Variants in NCKAP5 observed in about 807,000 individuals in gnomAD.
NCKAP5 encodes NCK associated protein 5, also known as nck-associated protein 5.
NCKAP5 carries 92 observed loss-of-function variants against 167.0 expected under a neutral mutation model. The ratio of observed to expected loss-of-function variants is 0.55; its 90% confidence interval spans 0.47 to 0.66. The LOEUF is 0.66. Among genes scored for constraint, NCKAP5 ranks in the 30% least tolerant of loss-of-function variants. NCKAP5 has a pLI of 0.00. For missense variants in NCKAP5, 2,378 were observed against 2,315.0 expected, an observed-to-expected ratio of 1.03 and a Z score of -0.56; for synonymous variants, 891 against 877.4, an observed-to-expected ratio of 1.02 and a Z score of -0.27.
At chr2:132,983,153 A>T (rs1460578716) in intron 7 of NCKAP5, among the ~76,000 whole-genome samples, 3 of 152,134 alleles carry the variant, frequency 2.0e-5, no homozygotes, top group Non-Finnish European at 2.9e-5. Flanking sequence ...TTGTACATTG[A>T]TTTCATATCC....
At chr2:133,228,634 C>A (rs1411714094) in intron 4 of NCKAP5, among the ~76,000 whole-genome samples, 1 of 152,164 alleles carries the variant, frequency 6.6e-6, no homozygotes, top group Non-Finnish European at 1.5e-5. Flanking sequence ...ACACTGTGTA[C>A]ATGTTCACAA....
At position 133,116,259 on chromosome 2, in the gene NCKAP5, G is replaced by A. The variant is rs921019903; in HGVS notation, c.341+13719C>T. ...TCCCAGCACTTTGGGAGGCCGAGGC[G>A]GGCGGATCACGAGGTCAGGAGATCG... On this transcript the variant is annotated intron_variant, in intron 6 of 19. Transcript: ENST00000409261. Among the ~76,000 whole-genome samples, 3 of 85,912 alleles carry A rather than the reference G, an allele frequency of 3.5e-5. 1 individual carries two copies. Among genetic ancestry groups the A allele is most frequent in the African/African-American group, 1.9e-4 (3 of 15,552 alleles). 56.4% of individuals were successfully genotyped at this position (85,912 alleles called of 152,430 possible).
At chr2:132,760,352 A>C (rs914581208) in intron 16 of NCKAP5, among the ~76,000 whole-genome samples, 10 of 152,064 alleles carry the variant, frequency 6.6e-5, no homozygotes, top group Admixed American at 6.6e-4. Context: ...GCATAGTTTC[A>C]CTGAGTATTC....
chr2:133,275,151 T>C lies in NCKAP5; in HGVS notation c.143+27886A>G, dbSNP rs1223822197. ...GAAGATAGTTAAGTGGCAATAACTATATTAAAACTGCTTAATATCAGTACT... is the reference window on the plus strand; with the variant it reads ...GAAGATAGTTAAGTGGCAATAACTACATTAAAACTGCTTAATATCAGTACT... On this transcript the variant is annotated intron_variant, in intron 4 of 19. Transcript: ENST00000409261. Among the ~76,000 whole-genome samples the C allele has an allele frequency of 2.6e-5, 4 of 152,114 alleles. No homozygotes were observed. The East Asian group carries it at 7.7e-4, about 29-fold the overall frequency.
chr2:132,825,754 T>A (rs1384369010), intron 11 of NCKAP5, among the ~76,000 whole-genome samples: 1 of 152,244 alleles, frequency 6.6e-6, no homozygotes, highest in Non-Finnish European at 1.5e-5. Flanking sequence ...CATATGGATT[T>A]ATGCTGGCAA....
chr2:132,905,571 T>C (rs964334821), intron 8 of NCKAP5, among the ~76,000 whole-genome samples: 22 of 152,234 alleles, frequency 1.4e-4, no homozygotes, highest in African/African-American at 5.1e-4. Flanking sequence ...TTTGTAATAT[T>C]TGGCCTGCCT....
rs188548035 is a variant in NCKAP5, at chr2:133,343,229, A to G, written c.70-40119T>C. 1.2e-4 allele frequency among the ~76,000 whole-genome samples: 18 copies of G among 152,324 alleles called. No homozygotes were observed. In the East Asian group the frequency reaches 3.5e-3, roughly 29 times the overall value. On this transcript the variant is annotated intron_variant, in intron 3 of 19. Transcript: ENST00000409261. ...GTTATGTCACTGAACATATCATGCA[A>G]TGTGATGTAGTATCAGCATACTATT...
rs542675684 is a variant in NCKAP5 at position 132,994,128 on chromosome 2, C to A, written c.429+24G>T. 5.4e-6 allele frequency: 8 copies of A among 1,485,732 alleles called. No homozygotes were observed. The East Asian group carries it at 9.5e-5, about 18-fold the overall frequency. 92.0% of individuals were successfully genotyped at this position (1,485,732 alleles called of 1,614,324 possible). On this transcript the variant is annotated intron_variant, in intron 7 of 19. Coordinates refer to ENST00000409261, the MANE Select transcript of NCKAP5 (RefSeq NM_207363.3). ...GAAAAACAAGCAGACCAGTACCCAG[C>A]CAAGAATAATAAACATGGTGTACCT...
chr2:133,135,550 G>A (rs543233517), intron 5 of NCKAP5, among the ~76,000 whole-genome samples: 4 of 151,886 alleles, frequency 2.6e-5, no homozygotes, highest in East Asian at 1.9e-4. Flanking sequence ...TTCTGACTAC[G>A]GTATGGAGAA....
intron 5 of NCKAP5, among the ~76,000 whole-genome samples, chr2:133,155,601 C>T (rs1379681169): frequency 6.6e-6 from 1 of 152,158 alleles, no homozygotes; most frequent in Non-Finnish European, 1.5e-5. Context: ...TTTGGCCAAA[C>T]ATTATTCTAG....
At chr2:132,853,514 C>T (rs1689235780) in intron 11 of NCKAP5, among the ~76,000 whole-genome samples, 1 of 152,164 alleles carries the variant, frequency 6.6e-6, no homozygotes, top group Admixed American at 6.5e-5. Flanking sequence ...GGGAAGTCAG[C>T]CATGTGCTCT....
chr2:132,920,727 A>G (rs1247111637), intron 8 of NCKAP5, among the ~76,000 whole-genome samples: 7,720 of 113,544 alleles, frequency 0.068, 1,244 homozygotes, highest in Admixed American at 0.19. Flanking sequence ...ATGTATATAT[A>G]TATATGTATA....
At chr2:133,563,641 T>C (rs1038581469) in intron 1 of NCKAP5, among the ~76,000 whole-genome samples, 2 of 145,034 alleles carry the variant, frequency 1.4e-5, no homozygotes, top group Non-Finnish European at 3.0e-5. Flanking sequence ...AGTAAAGGAC[T>C]GCGCATAGGC....
At chr2:133,363,299 A>G (rs540687368) in intron 3 of NCKAP5, among the ~76,000 whole-genome samples, 6 of 152,132 alleles carry the variant, frequency 3.9e-5, no homozygotes, top group Non-Finnish European at 8.8e-5. Flanking sequence ...TTGTAAATAA[A>G]TGTTGGAATA....
intron 3 of NCKAP5, among the ~76,000 whole-genome samples, chr2:133,402,083 A>G (rs1362021537): frequency 2.9e-5 from 4 of 137,942 alleles, no homozygotes; most frequent in African/African-American, 1.0e-4. Context: ...TTCCTAAATT[A>G]ATAATCTCTG....
At chr2:133,156,893 C>T (rs1396151008) in intron 5 of NCKAP5, among the ~76,000 whole-genome samples, 1 of 152,176 alleles carries the variant, frequency 6.6e-6, no homozygotes, top group Non-Finnish European at 1.5e-5. Context: ...AAGCTGGTCC[C>T]AAGCTAGCAC....
chr2:133,297,090 C>T (rs12470497), intron 4 of NCKAP5, among the ~76,000 whole-genome samples: 19,329 of 151,636 alleles, frequency 0.13, 1,664 homozygotes, highest in Middle Eastern at 0.28. Context: ...CTAATATTAA[C>T]TTTTCACATT....
chr2:133,407,869 T>C (rs1197389527), intron 3 of NCKAP5, among the ~76,000 whole-genome samples: 1 of 151,728 alleles, frequency 6.6e-6, no homozygotes, highest in Non-Finnish European at 1.5e-5. Context: ...AGGAAGGAGG[T>C]CGATAAAGGG....
chr2:133,227,954 T>C (rs1301036324), intron 4 of NCKAP5, among the ~76,000 whole-genome samples: 1 of 152,204 alleles, frequency 6.6e-6, no homozygotes, highest in Non-Finnish European at 1.5e-5. Flanking sequence ...AGCAGGGGTC[T>C]CTGCAGCAAG....
Sources: gnomAD v4.1 joint callset for allele counts (sites outside exome capture counted in the v4.1 genomes callset) on GRCh38, gnomAD v4.1.1 for gene constraint, MANE v1.5 for transcripts, NCBI Gene and HGNC (gene_info 2026-07-23, HGNC 2026-07-21) for gene names.